The following ABTB3 variants were observed in gnomAD, a reference collection of about 807,000 sequenced individuals.
ABTB3 encodes ankyrin repeat and BTB domain containing 3.
At chr12:107,359,673 A>T in the ABTB3 span, among the ~76,000 whole-genome samples, 2 of 152,136 alleles carry the variant, frequency 1.3e-5, no homozygotes, top group Admixed American at 1.3e-4. Context: ...GATAGCTCTC[A>T]GGTTTTGACC....
the ABTB3 span, among the ~76,000 whole-genome samples, chr12:107,469,036 C>A: frequency 1.3e-5 from 2 of 152,164 alleles, no homozygotes; most frequent in Non-Finnish European, 2.9e-5. Context: ...ACAAGGATAA[C>A]AACATCCCCT....
At chr12:107,457,872 C>T in the ABTB3 span, among the ~76,000 whole-genome samples, 1 of 152,220 alleles carries the variant, frequency 6.6e-6, no homozygotes, top group Non-Finnish European at 1.5e-5. Flanking sequence ...ACTTTGGCAA[C>T]AGAAAGAAAT....
chr12:107,368,633 G>A, the ABTB3 span, among the ~76,000 whole-genome samples: 1 of 152,134 alleles, frequency 6.6e-6, no homozygotes, highest in African/African-American at 2.4e-5. Flanking sequence ...GGGTCACAGG[G>A]TTTATACAAA....
At chr12:107,344,723 A>G in the ABTB3 span, among the ~76,000 whole-genome samples, 3 of 152,250 alleles carry the variant, frequency 2.0e-5, no homozygotes, top group Non-Finnish European at 4.4e-5. Flanking sequence ...GTTAAAGCAG[A>G]GGTAGAGCCA....
chr12:107,520,179 A>G, the ABTB3 span: 9 of 981,314 alleles, frequency 9.2e-6, no homozygotes, highest in Non-Finnish European at 9.7e-6. Context: ...AGTCACATCT[A>G]GGAGTGGATA....
chr12:107,606,148 C>G, the ABTB3 span, among the ~76,000 whole-genome samples: 2 of 152,170 alleles, frequency 1.3e-5, no homozygotes, highest in Admixed American at 6.5e-5. Context: ...CAGGTCAAAA[C>G]CTGGCTCACC....
the ABTB3 span, among the ~76,000 whole-genome samples, chr12:107,359,365 C>G: frequency 6.6e-6 from 1 of 152,196 alleles, no homozygotes; most frequent in African/African-American, 2.4e-5. Flanking sequence ...GATTGCTGTG[C>G]ATCCTCTGGG....
the ABTB3 span, among the ~76,000 whole-genome samples, chr12:107,428,559 C>T: frequency 6.6e-6 from 1 of 152,208 alleles, no homozygotes; most frequent in Admixed American, 6.5e-5. Context: ...TCCACAGCCT[C>T]TCAGAGGGTC....
the ABTB3 span, chr12:107,319,371 C>T: frequency 1.3e-6 from 2 of 1,574,830 alleles, no homozygotes; most frequent in Non-Finnish European, 1.7e-6. Context: ...GTGCGCATAG[C>T]CAAAGAGGCG....
At chr12:107,641,710 A>C in the ABTB3 span, among the ~76,000 whole-genome samples, 1 of 152,154 alleles carries the variant, frequency 6.6e-6, no homozygotes, top group South Asian at 2.1e-4. Flanking sequence ...CATGGAGCAA[A>C]ATGTGTTCCA....
chr12:107,529,458 TG>T, the ABTB3 span, among the ~76,000 whole-genome samples: 1 of 152,094 alleles, frequency 6.6e-6, no homozygotes, highest in African/African-American at 2.4e-5. Context: ...ATGATGGTGA[TG>T]GGGATGGTGA....
the ABTB3 span, among the ~76,000 whole-genome samples, chr12:107,618,885 C>T: frequency 6.6e-6 from 1 of 152,216 alleles, no homozygotes; most frequent in African/African-American, 2.4e-5. Flanking sequence ...TTTCTTACCA[C>T]AACTCCTGTT....
chr12:107,616,286 G>A, the ABTB3 span, among the ~76,000 whole-genome samples: 3 of 152,184 alleles, frequency 2.0e-5, no homozygotes, highest in South Asian at 2.1e-4. Context: ...CCACCCTGCC[G>A]CAGGGCCAGC....
chr12:107,395,737 T>A, the ABTB3 span, among the ~76,000 whole-genome samples: 18 of 152,306 alleles, frequency 1.2e-4, no homozygotes, highest in Admixed American at 8.5e-4. Flanking sequence ...TGGTCACTTA[T>A]CTCCATCTAG....
chr12:107,606,662 G>C, the ABTB3 span, among the ~76,000 whole-genome samples: 1 of 152,274 alleles, frequency 6.6e-6, no homozygotes, highest in Non-Finnish European at 1.5e-5. Context: ...AACTCCAATG[G>C]GTGTCTTTCT....
At chr12:107,625,717 A>AT in the ABTB3 span, among the ~76,000 whole-genome samples, 1 of 151,686 alleles carries the variant, frequency 6.6e-6, no homozygotes, top group East Asian at 1.9e-4. Context: ...GGGATGCCTC[A>AT]TTATTGCTGG....
chr12:107,634,341 A>T, the ABTB3 span, among the ~76,000 whole-genome samples: 1 of 152,228 alleles, frequency 6.6e-6, no homozygotes, highest in African/African-American at 2.4e-5. Context: ...AAGAAAAAAC[A>T]TCCTCATCTC....
chr12:107,457,049 A>G, the ABTB3 span, among the ~76,000 whole-genome samples: 7 of 152,066 alleles, frequency 4.6e-5, no homozygotes, highest in Non-Finnish European at 8.8e-5. Flanking sequence ...TTAAGTAGAG[A>G]CAGGGTTTCA....
At chr12:107,617,041 C>T in the ABTB3 span, 3 of 1,578,010 alleles carry the variant, frequency 1.9e-6, no homozygotes, top group African/African-American at 4.0e-5. Flanking sequence ...GACACCTGTG[C>T]ACAGTGTATC....
Sources: gnomAD v4.1 joint callset for allele counts (sites outside exome capture counted in the v4.1 genomes callset) on GRCh38, gnomAD v4.1.1 for gene constraint, MANE v1.5 for transcripts, NCBI Gene and HGNC (gene_info 2026-07-23, HGNC 2026-07-21) for gene names.